The following HHAT variants were observed in gnomAD, a reference collection of about 807,000 sequenced individuals.
HHAT encodes protein-cysteine N-palmitoyltransferase HHAT.
HHAT carries 47 observed loss-of-function variants against 70.8 expected under a neutral mutation model. The ratio of observed to expected loss-of-function variants is 0.66; its 90% CI spans 0.53 to 0.85. The LOEUF is 0.85. Ranked by LOEUF, HHAT falls within the 40% of genes least tolerant of loss-of-function variation. HHAT has a pLI of 0.00. For missense variants in HHAT, 609 were observed against 604.8 expected, an observed-to-expected ratio of 1.01 and a Z score of -0.07; for synonymous variants, 228 against 247.6, an observed-to-expected ratio of 0.92 and a Z score of 0.74.
intron 8 of HHAT, among the ~76,000 whole-genome samples, chr1:210,507,681 C>T (rs1421723564): frequency 6.6e-6 from 1 of 151,954 alleles, no homozygotes; most frequent in Non-Finnish European, 1.5e-5. Flanking sequence ...TTCTAGAGTT[C>T]ATTGCATTGC....
intron 8 of HHAT, among the ~76,000 whole-genome samples, chr1:210,471,359 T>C (rs1021943054): frequency 6.6e-6 from 1 of 152,056 alleles, no homozygotes; most frequent in African/African-American, 2.4e-5. Context: ...TTGCCTTTCT[T>C]ACTTTATGAC....
At chr1:210,517,120 G>A (rs976214903) in intron 9 of HHAT, among the ~76,000 whole-genome samples, 7 of 152,150 alleles carry the variant, frequency 4.6e-5, no homozygotes, top group Non-Finnish European at 7.3e-5. Context: ...ATGTGACACC[G>A]CACAAGAAAA....
chr1:210,467,612 C>G (rs146129224), intron 8 of HHAT, among the ~76,000 whole-genome samples: 1 of 152,292 alleles, frequency 6.6e-6, no homozygotes, highest in East Asian at 1.9e-4. Context: ...GCTGGTGATG[C>G]AAATTATTCT....
chr1:210,471,656 A>ACAGCAATAG (rs2094207073), intron 8 of HHAT, among the ~76,000 whole-genome samples: 1 of 152,162 alleles, frequency 6.6e-6, no homozygotes, highest in Admixed American at 6.5e-5. Context: ...CGTAATAATA[A>ACAGCAATAG]CAGCAATAGC....
intron 10 of HHAT, among the ~76,000 whole-genome samples, chr1:210,604,176 T>G (rs1270192810): frequency 1.3e-5 from 2 of 152,100 alleles, no homozygotes; most frequent in African/African-American, 4.8e-5. Context: ...ACCTCCCAGG[T>G]TCAAGTGAAG....
chr1:210,355,498 ATATTT>A, intron 2 of HHAT, among the ~76,000 whole-genome samples: 1 of 152,340 alleles, frequency 6.6e-6, no homozygotes, highest in East Asian at 1.9e-4. Context: ...TATTGATACT[ATATTT>A]TAAAGTCATC....
chr1:210,496,404 A>T (rs1343559007), intron 8 of HHAT, among the ~76,000 whole-genome samples: 1 of 152,224 alleles, frequency 6.6e-6, no homozygotes, highest in Non-Finnish European at 1.5e-5. Context: ...TCAGATCAAA[A>T]GTAAGAGTAT....
intron 10 of HHAT, among the ~76,000 whole-genome samples, chr1:210,601,344 C>T (rs1165557020): frequency 6.6e-6 from 1 of 152,050 alleles, no homozygotes; most frequent in Non-Finnish European, 1.5e-5. Context: ...CGTTAGGGGT[C>T]AGTAGTCCAA....
chr1:210,382,661 A>G lies in HHAT; in HGVS notation c.160-4807A>G, dbSNP rs1253569215. ...GGATGACGGAGAAGGGAGTGCAATG[A>G]GGTCCACCTGGGGAGGTAGGTATGG... On this transcript the variant is annotated intron_variant, in intron 3 of 11. Coordinates refer to ENST00000261458, the MANE Select transcript of HHAT (RefSeq NM_018194.6). Among the ~76,000 whole-genome samples, 3 of 152,210 alleles carry G rather than the reference A, an allele frequency of 2.0e-5. No homozygotes were observed. The East Asian group carries it at 5.8e-4, about 29-fold the overall frequency.
At chr1:210,413,076 C>G (rs1184361499) in intron 6 of HHAT, among the ~76,000 whole-genome samples, 1 of 152,148 alleles carries the variant, frequency 6.6e-6, no homozygotes, top group East Asian at 1.9e-4. Context: ...TGCACTCTGG[C>G]CTGTGATGAT....
chr1:210,504,086 T>C (rs1012560439), intron 8 of HHAT, among the ~76,000 whole-genome samples: 2 of 152,200 alleles, frequency 1.3e-5, no homozygotes, highest in African/African-American at 4.8e-5. Flanking sequence ...AAAGATAAGC[T>C]ATAGGTTGAG....
chr1:210,396,910 AGGTATAAAAT>A (rs1195322813), intron 4 of HHAT, among the ~76,000 whole-genome samples: 1 of 152,236 alleles, frequency 6.6e-6, no homozygotes, highest in African/African-American at 2.4e-5. Flanking sequence ...GAGGTAAATG[AGGTATAAAAT>A]GGCAACACAA....
chr1:210,329,301 G>C (rs1008150162), intron 1 of HHAT, 197 bp downstream of exon 1: 1 of 1,225,224 alleles, frequency 8.2e-7, no homozygotes, highest in Non-Finnish European at 1.0e-6. Flanking sequence ...CGCGCGCGCA[G>C]TGCGCCCGGG....
intron 11 of HHAT, among the ~76,000 whole-genome samples, chr1:210,636,919 G>A (rs1671971274): frequency 6.6e-6 from 1 of 152,166 alleles, no homozygotes; most frequent in African/African-American, 2.4e-5. Flanking sequence ...GACAGTGTAG[G>A]ATGGTAGTGG....
chr1:210,627,928 A>G (rs992167946), intron 11 of HHAT, among the ~76,000 whole-genome samples: 1 of 152,170 alleles, frequency 6.6e-6, no homozygotes, highest in African/African-American at 2.4e-5. Context: ...GCAGAGACCA[A>G]TGCAGGTTGC....
In HHAT at chr1:210,534,721, A is replaced by G. The variant is rs1167631800; in HGVS notation, c.1043+21533A>G. Among the ~76,000 whole-genome samples, 6 of 152,352 alleles carry G rather than the reference A, an allele frequency of 3.9e-5. No homozygotes were observed. In the East Asian group the frequency reaches 1.2e-3, roughly 29 times the overall value. Reference sequence around the variant, plus strand: ...CTGCATTTGGACAGTGGCCTGACACATGAGACCACATGTGGCATTTTCTAC... The same window carrying G: ...CTGCATTTGGACAGTGGCCTGACACGTGAGACCACATGTGGCATTTTCTAC... On this transcript the variant is annotated intron_variant, in intron 9 of 11. Transcript: ENST00000261458.
At chr1:210,366,782 C>T (rs553656447) in intron 3 of HHAT, among the ~76,000 whole-genome samples, 26 of 152,308 alleles carry the variant, frequency 1.7e-4, no homozygotes, top group African/African-American at 5.5e-4. Context: ...ATTTGCCATT[C>T]TTACCTTTAC....
At chr1:210,409,836 G>T (rs192874848) in intron 6 of HHAT, among the ~76,000 whole-genome samples, 20 of 152,306 alleles carry the variant, frequency 1.3e-4, no homozygotes, top group Admixed American at 1.2e-3. Flanking sequence ...ATTTTGAAAT[G>T]CACTTTGCAG....
intron 11 of HHAT, among the ~76,000 whole-genome samples, chr1:210,673,354 T>A (rs1180749759): frequency 1.4e-5 from 2 of 147,802 alleles, no homozygotes; most frequent in East Asian, 2.0e-4. Context: ...ACTACAAGTT[T>A]AAAAAAAAAA....
Sources: allele counts gnomAD v4.1 joint callset (sites outside exome capture counted in the v4.1 genomes callset), GRCh38; gene constraint gnomAD v4.1.1; transcripts MANE v1.5; gene names NCBI Gene and HGNC (gene_info 2026-07-23, HGNC 2026-07-21).